The following ARHGAP24 variants were observed in gnomAD, a reference collection of about 807,000 sequenced individuals.
The protein encoded by ARHGAP24 is Rho GTPase activating protein 24.
In ARHGAP24, 50 loss-of-function variants were observed where a neutral mutation model predicts 76.4. The ratio of observed to expected loss-of-function variants is 0.65; its 90% CI spans 0.52 to 0.83. The LOEUF is 0.83. ARHGAP24 is among the 40% of genes least tolerant of loss of function. The probability of loss-of-function intolerance (pLI) is 0.00; values close to 1 mark genes in which losing one functional copy is unlikely to be tolerated. For missense variants in ARHGAP24, 930 were observed against 914.2 expected, an observed-to-expected ratio of 1.02 and a Z score of -0.22; for synonymous variants, 345 against 323.3, an observed-to-expected ratio of 1.07 and a Z score of -0.72.
chr4:85,573,949 G>A (rs1578047359), intron 2 of ARHGAP24, among the ~76,000 whole-genome samples: 1 of 152,038 alleles, frequency 6.6e-6, no homozygotes, highest in Admixed American at 6.6e-5. Context: ...TGCTTCCAAC[G>A]TAAGAATGTC....
intron 3 of ARHGAP24, among the ~76,000 whole-genome samples, chr4:85,876,547 C>T (rs139643532): frequency 6.6e-6 from 1 of 152,198 alleles, no homozygotes; most frequent in Non-Finnish European, 1.5e-5. Context: ...TCAAGGGTCT[C>T]TGTCCTCAGT....
intron 1 of ARHGAP24, among the ~76,000 whole-genome samples, chr4:85,554,656 TTTATTA>T (rs1467899034): frequency 6.6e-6 from 1 of 151,978 alleles, no homozygotes; most frequent in Admixed American, 6.6e-5. Context: ...TCTTTTTATT[TTTATTA>T]TTATTATTTT....
At chr4:85,842,303 A>T (rs1429868454) in intron 3 of ARHGAP24, among the ~76,000 whole-genome samples, 2 of 152,044 alleles carry the variant, frequency 1.3e-5, no homozygotes, top group Non-Finnish European at 2.9e-5. Context: ...CAGGCATAGG[A>T]GTCAAAACAC....
chr4:86,001,092 T>C lies in ARHGAP24; in HGVS notation c.*370T>C. 5.0e-6 allele frequency: 2 copies of C among 401,912 alleles called. No individual in the cohort carries two copies. The highest frequency in any genetic ancestry group is 8.7e-6 in the Non-Finnish European group (2 of 228,924). The allele number at this position is 401,912 out of a possible 1,614,324, so 24.9% of individuals were successfully genotyped here. A position where few individuals can be genotyped will look rare whatever the true frequency, so the allele number is the denominator to read the frequency against. On this transcript the variant is annotated 3_prime_UTR_variant, in exon 10 of 10. Transcript: ENST00000395184. ...ACCCCTTGCACTTAACATAAGCTAT[T>C]TTTGGCATTGTGTTATCATCGGCTT...
At chr4:85,608,004 T>G (rs959627071) in intron 2 of ARHGAP24, among the ~76,000 whole-genome samples, 1 of 152,032 alleles carries the variant, frequency 6.6e-6, no homozygotes, top group African/African-American at 2.4e-5. Flanking sequence ...CCACAAAATG[T>G]GCCAGAGGTA....
At chr4:85,706,639 C>G (rs1724319358) in intron 2 of ARHGAP24, among the ~76,000 whole-genome samples, 1 of 151,752 alleles carries the variant, frequency 6.6e-6, no homozygotes, top group Non-Finnish European at 1.5e-5. Flanking sequence ...GATCTCAGCT[C>G]ACTACAAGTT....
At chr4:85,559,926 C>G (rs1726528322) in intron 1 of ARHGAP24, among the ~76,000 whole-genome samples, 1 of 152,126 alleles carries the variant, frequency 6.6e-6, no homozygotes, top group African/African-American at 2.4e-5. Context: ...TAAGGGATAT[C>G]TTCAGTTCTT....
intron 2 of ARHGAP24, among the ~76,000 whole-genome samples, chr4:85,627,142 A>C (rs1469980163): frequency 6.6e-6 from 1 of 151,922 alleles, no homozygotes; most frequent in Non-Finnish European, 1.5e-5. Flanking sequence ...GGAGGAGGAG[A>C]GGCCTTCTGA....
In ARHGAP24 at chr4:85,994,674, A is replaced by G; in HGVS notation, c.1020A>G (p.Gln340=). ...ATGCAGAACTACAAAGCAAGCCCCA[A>G]GATGGAGTGAGCAACAACAATGAAA... ...PKDAELQSKP[Q]DGVSNNNEIQ... is the part of the protein sequence containing the mutation. Residue 340 remains glutamine (Q), a synonymous_variant, in exon 9 of 10, where the codon CAA becomes CAG. Coordinates refer to ENST00000395184, the MANE Select transcript of ARHGAP24 (RefSeq NM_001025616.3). 8 of 1,614,224 alleles carry G rather than the reference A, an allele frequency of 5.0e-6. No individual in the cohort carries two copies. The highest frequency in any genetic ancestry group is 6.8e-6 in the Non-Finnish European group (8 of 1,180,038).
chr4:85,816,863 C>T (rs1729262086), intron 3 of ARHGAP24, among the ~76,000 whole-genome samples: 1 of 152,240 alleles, frequency 6.6e-6, no homozygotes, highest in African/African-American at 2.4e-5. Flanking sequence ...AATGGCTGTA[C>T]CAATTTACAT....
chr4:85,923,115 C>T (rs767188668), intron 3 of ARHGAP24, among the ~76,000 whole-genome samples: 2 of 151,750 alleles, frequency 1.3e-5, no homozygotes, highest in Non-Finnish European at 2.9e-5. Context: ...GTTCCTCTTC[C>T]AGAACAGAGG....
intron 1 of ARHGAP24, among the ~76,000 whole-genome samples, chr4:85,538,552 A>T (rs1725562354): frequency 6.6e-6 from 1 of 152,162 alleles, no homozygotes; most frequent in Admixed American, 6.5e-5. Context: ...AGCCCCATCC[A>T]CTGAACTGTG....
At chr4:85,706,938 C>T (rs1390139090) in intron 2 of ARHGAP24, among the ~76,000 whole-genome samples, 1 of 151,894 alleles carries the variant, frequency 6.6e-6, no homozygotes, top group Non-Finnish European at 1.5e-5. Flanking sequence ...TGTTTTGTGA[C>T]AGGGTCTTGC....
intron 3 of ARHGAP24, among the ~76,000 whole-genome samples, chr4:85,882,115 TTAC>T (rs1733288532): frequency 6.6e-6 from 1 of 152,032 alleles, no homozygotes; most frequent in South Asian, 2.1e-4. Flanking sequence ...TTAAGAATTC[TTAC>T]TAGATTGTCT....
At chr4:85,940,216 T>A (rs1736879323) in intron 4 of ARHGAP24, among the ~76,000 whole-genome samples, 1 of 152,112 alleles carries the variant, frequency 6.6e-6, no homozygotes, top group Non-Finnish European at 1.5e-5. Context: ...CACATCAGCT[T>A]GTTTTTCTCA....
chr4:85,671,941 G>C (rs1364691435), intron 2 of ARHGAP24, among the ~76,000 whole-genome samples: 1 of 152,124 alleles, frequency 6.6e-6, no homozygotes, highest in Non-Finnish European at 1.5e-5. Flanking sequence ...GAGGAGCTGA[G>C]TTCACCAACC....
chr4:85,633,542 G>C (rs1721225893), intron 2 of ARHGAP24, among the ~76,000 whole-genome samples: 1 of 151,582 alleles, frequency 6.6e-6, no homozygotes, highest in African/African-American at 2.4e-5. Context: ...AATCTATTTT[G>C]CTATATGTAA....
At chr4:85,828,527 T>A (rs547040447) in intron 3 of ARHGAP24, among the ~76,000 whole-genome samples, 180 of 151,292 alleles carry the variant, frequency 1.2e-3, no homozygotes, top group East Asian at 6.8e-3. Context: ...TTTTTTTTTT[T>A]TAAAAAAAGC....
At chr4:85,730,782 C>CTT (rs3028184) in intron 3 of ARHGAP24, among the ~76,000 whole-genome samples, 65,557 of 151,610 alleles carry the variant, frequency 0.43, 15,951 homozygotes, top group East Asian at 0.91. Flanking sequence ...AACAAACAAA[C>CTT]AAGCTTATCT....
Sources: allele counts gnomAD v4.1 joint callset (sites outside exome capture counted in the v4.1 genomes callset), GRCh38; gene constraint gnomAD v4.1.1; transcripts MANE v1.5; gene names NCBI Gene and HGNC (gene_info 2026-07-23, HGNC 2026-07-21).